The following FLNA variants were observed in gnomAD, a reference collection of about 807,000 sequenced individuals.
The protein encoded by FLNA is filamin A.
In FLNA, 7 loss-of-function variants were observed where a neutral mutation model predicts 157.6. The ratio of observed to expected loss-of-function variants is 0.04; its 90% CI spans 0.03 to 0.08. The LOEUF is 0.08. FLNA is among the 10% of genes least tolerant of loss of function. The pLI, the probability that FLNA is intolerant of heterozygous loss-of-function variation, is 1.00. For synonymous variants in FLNA, 1,103 were observed against 1,060.8 expected, an observed-to-expected ratio of 1.04 and a Z score of -0.77; for missense variants, 1,750 against 2,398.4, an observed-to-expected ratio of 0.73 and a Z score of 5.65.
Position 154,365,277 on chromosome X carries a change from G to GC in FLNA, c.1568-19dup, listed in dbSNP as rs1398890463. The GC allele has an allele frequency of 1.7e-6, 2 of 1,210,664 alleles. No individual in the cohort carries two copies. The highest frequency in any genetic ancestry group is 2.2e-6 in the Non-Finnish European group (2 of 895,357). Reference sequence around the variant, plus strand: ...CTCTCCCTCTGCCAAGACAAGGAGGGCCTCAGGCCTGCCCAGCAGTGAACC... The same window carrying GC: ...CTCTCCCTCTGCCAAGACAAGGAGGGCCCTCAGGCCTGCCCAGCAGTGAACC... On this transcript the variant is annotated intron_variant, in intron 10 of 47. Coordinates refer to ENST00000369850, the MANE Select transcript of FLNA (RefSeq NM_001110556.2).
intron 1 of FLNA, among the ~76,000 whole-genome samples, chrX:154,371,860 G>T (rs1206123106): frequency 1.8e-5 from 2 of 113,364 alleles, no homozygotes; most frequent in Non-Finnish European, 3.8e-5. Flanking sequence ...GCCCGGCAGC[G>T]GCGGGAAGGG....
rs781994403 is a variant in FLNA, at chrX:154,368,093, G to A, written c.374-3C>T. 15 of 1,208,776 alleles carry A rather than the reference G, an allele frequency of 1.2e-5. No homozygotes were observed. Among genetic ancestry groups the A allele is most frequent in the East Asian group, 3.0e-5 (1 of 33,764 alleles). ...CCCGTCCACGATGGCCTTGCTGTCT[G>A]TGAGTAGAAGAGTGGCCACGCTGGG... On this transcript the variant is annotated splice_region_variant and splice_polypyrimidine_tract_variant and intron_variant, in intron 2 of 47. Transcript: ENST00000369850.
In FLNA at chrX:154,349,822, C is replaced by T. The variant is rs1557175388; in HGVS notation, c.7379G>A (p.Gly2460Asp). The T allele has an allele frequency of 4.1e-6, 5 of 1,210,292 alleles. No individual in the cohort carries two copies. The highest frequency in any genetic ancestry group is 5.6e-6 in the Non-Finnish European group (5 of 895,212). The change falls in exon 46 of 48, where the codon GGT becomes GAT. Residue 2460 changes from glycine (G) to aspartate (D), a missense_variant. Physicochemically the swap from Gly to Asp is moderately conservative, Grantham distance 94 (BLOSUM62 -1). Coordinates refer to ENST00000369850, the MANE Select transcript of FLNA (RefSeq NM_001110556.2). ...FVVNTSNAGA[G>D]ALSVTIDGPS... ...GCCGTCAATGGTCACCGACAGGGCA[C>T]CAGCTCCCGCATTGCTCGTGTTCAC...
intron 1 of FLNA, among the ~76,000 whole-genome samples, chrX:154,373,278 G>T (rs1237543582): frequency 8.9e-6 from 1 of 112,359 alleles, no homozygotes; most frequent in Non-Finnish European, 1.9e-5. Flanking sequence ...TGGGTTGTCT[G>T]GGTTCATTCC....
chrX:154,363,019 G>A (rs1363868419), intron 15 of FLNA, among the ~76,000 whole-genome samples: 4 of 112,837 alleles, frequency 3.5e-5, no homozygotes, highest in Non-Finnish European at 5.6e-5. Context: ...TAACAGCACT[G>A]TTCATGATCA....
rs2148119132 is a variant in FLNA, at chrX:154,367,653, C to T, written c.708G>A (p.Leu236=). ...REAMQQADDW[L]GIPQVITPEE... is the part of the protein sequence containing the mutation. ...CGGGCGGGTGTACCTGGGGGATGCC[C>T]AGCCAGTCATCCGCCTGCTGCATGG... Residue 236 remains leucine, a synonymous_variant, in exon 4 of 48, where the codon CTG becomes CTA. Coordinates refer to ENST00000369850, the MANE Select transcript of FLNA (RefSeq NM_001110556.2). 8.3e-7 allele frequency: 1 copy of T among 1,211,084 alleles called. No individual in the cohort carries two copies. Among genetic ancestry groups the T allele is most frequent in the Non-Finnish European group, 1.1e-6 (1 of 895,069 alleles).
chrX:154,349,587 G>T, intron 46 of FLNA, 22 bp from the exon 47 acceptor site: 1 of 1,210,102 alleles, frequency 8.3e-7, no homozygotes, highest in Non-Finnish European at 1.1e-6. Context: ...AGTGGGTGGG[G>T]CTAAGAGGTG....
At position 154,354,412 on chromosome X, in the gene FLNA, G is replaced by A. The variant is rs1557176452; in HGVS notation, c.5385C>T (p.Ile1795=). 6.6e-6 allele frequency: 8 copies of A among 1,211,731 alleles called. No individual in the cohort carries two copies. The highest frequency in any genetic ancestry group is 7.8e-6 in the Non-Finnish European group (7 of 895,417). ...TCTCGCCCTTCTTGATGGTGAAGGG[G>A]ATGACAAGGTCAAAGGGCCTCAGGC... The part of the protein sequence containing the change: ...VTSLRPFDLV[I]PFTIKKGEIT... The change falls in exon 33 of 48, where the codon ATC becomes ATT. Residue 1795 remains isoleucine (I), a synonymous_variant. Coordinates refer to ENST00000369850, the MANE Select transcript of FLNA (RefSeq NM_001110556.2).
intron 28 of FLNA, 94 bp downstream of exon 28, chrX:154,358,105 G>T (rs782556477): frequency 1.0e-4 from 101 of 1,002,003 alleles, no homozygotes; most frequent in Non-Finnish European, 1.2e-4. Context: ...CCTCCTTGGT[G>T]CAGCTCCGCA....
Position 154,357,257 on chromosome X carries a change from C to T in FLNA, c.4963G>A (p.Gly1655Arg), listed in dbSNP as rs2067669899. Residue 1655 changes from glycine to arginine, a missense_variant, in exon 30 of 48, where the codon GGG becomes AGG. By Grantham distance (125) the Gly-to-Arg change is moderately radical (BLOSUM62 -2). Transcript: ENST00000369850. ...GCCCCAGCAAGCAGCTTACCTAGCC[C>T]GTGACCTCCGATTGACACTGAGGTG... ...CTVTVSIGGH[G>R]LGAGIGPTIQ... The T allele has an allele frequency of 2.5e-6, 3 of 1,209,203 alleles. No individual in the cohort carries two copies. Among genetic ancestry groups the T allele is most frequent in the African/African-American group, 1.7e-5 (1 of 57,282 alleles).
At position 154,359,649 on chromosome X, in the gene FLNA, G is replaced by A; in HGVS notation, c.3980-3C>T. Reference sequence around the variant, plus strand: ...GGTCACGTCCACGGAGTGCAGTCCTGGAGGAGTGCAGGCCAGGTCAGGAGG... The same window carrying A: ...GGTCACGTCCACGGAGTGCAGTCCTAGAGGAGTGCAGGCCAGGTCAGGAGG... On this transcript the variant is annotated splice_region_variant and splice_polypyrimidine_tract_variant and intron_variant, in intron 23 of 47. Transcript: ENST00000369850. 4 of 1,210,990 alleles carry A rather than the reference G, an allele frequency of 3.3e-6. No individual in the cohort carries two copies. The highest frequency in any genetic ancestry group is 4.5e-6 in the Non-Finnish European group (4 of 895,305).
chrX:154,349,875 C>A lies in FLNA; in HGVS notation c.7334-8G>T. On this transcript the variant is annotated splice_region_variant and splice_polypyrimidine_tract_variant and intron_variant, in intron 45 of 47. Coordinates refer to ENST00000369850, the MANE Select transcript of FLNA (RefSeq NM_001110556.2). ...CGAACTCAGCTGGGTTCCCTGGGAG[C>A]ACAGGAGGTCAGGCAGAGCCAGACT... 1 of 1,207,434 alleles carries A rather than the reference C, an allele frequency of 8.3e-7. No individual in the cohort carries two copies. The highest frequency in any genetic ancestry group is 1.1e-6 in the Non-Finnish European group (1 of 892,063).
At chrX:154,354,737 GGA>G (rs1569551515) in intron 31 of FLNA, 26 bp from the exon 32 acceptor site, 4 of 1,208,470 alleles carry the variant, frequency 3.3e-6, no homozygotes, top group African/African-American at 3.5e-5. Flanking sequence ...GAGAGCTGCT[GGA>G]GAGTCTGTTG....
chrX:154,354,500 G>A lies in FLNA; in HGVS notation c.5314-17C>T. 8.3e-7 allele frequency: 1 copy of A among 1,199,070 alleles called. No homozygotes were observed. Among genetic ancestry groups the A allele is most frequent in the Non-Finnish European group, 1.1e-6 (1 of 884,609 alleles). ...CTCCGGGGCCTGCAGTGGAGACACA[G>A]GGCATGGGTGAGGGACAGTGGGAGG... On this transcript the variant is annotated splice_polypyrimidine_tract_variant and intron_variant, in intron 32 of 47. Transcript: ENST00000369850.
chrX:154,366,945 G>A (rs782477886), intron 5 of FLNA, 95 bp from the exon 6 acceptor site: 3 of 705,606 alleles, frequency 4.3e-6, no homozygotes, highest in Non-Finnish European at 6.8e-6. Flanking sequence ...CCTAAGTCAG[G>A]CACATTCCAA....
Position 154,355,086 on chromosome X carries a change from G to A in FLNA, c.4970-14C>T. 2.5e-6 allele frequency: 3 copies of A among 1,199,725 alleles called. No individual in the cohort carries two copies. Among genetic ancestry groups the A allele is most frequent in the Non-Finnish European group, 3.4e-6 (3 of 887,147 alleles). On this transcript the variant is annotated splice_polypyrimidine_tract_variant and intron_variant, in intron 30 of 47. Transcript: ENST00000369850. Reference sequence around the variant, plus strand: ...CGATGCCAGCACCTGGTGGGGCAGGGTGGGTCCCCAAAGGGGGGCCAGCGT... The same window carrying A: ...CGATGCCAGCACCTGGTGGGGCAGGATGGGTCCCCAAAGGGGGGCCAGCGT...
At chrX:154,356,133 C>T (rs1425373391) in intron 30 of FLNA, among the ~76,000 whole-genome samples, 1 of 112,167 alleles carries the variant, frequency 8.9e-6, no homozygotes, top group Non-Finnish European at 1.9e-5. Flanking sequence ...TAGTTAGTGG[C>T]TTGGGCCCCA....
Position 154,362,467 on chromosome X carries a change from G to A in FLNA, c.2516C>T (p.Thr839Met), listed in dbSNP as rs201603843. The change falls in exon 17 of 48, where the codon ACG (threonine) becomes ATG (methionine). Residue 839 changes from threonine (T) to methionine (M), a missense_variant. Transcript: ENST00000369850. Reference protein sequence around the residue: ...NDNDTFTVKYTPRGAGSYTIM... With the variant: ...NDNDTFTVKYMPRGAGSYTIM... ...GGTGTAGCTGCCAGCCCCCCGGGGC[G>A]TGTACTTGACCGTGAAGGTGTCATT... 1.7e-4 allele frequency: 208 copies of A among 1,210,576 alleles called. 1 individual carries two copies. Among genetic ancestry groups the A allele is most frequent in the Admixed American group, 8.7e-5 (4 of 46,016 alleles).
Position 154,358,450 on chromosome X carries a change from G to C in FLNA, c.4593C>G (p.Pro1531=), listed in dbSNP as rs1370712483. Residue 1531 remains proline (P), a synonymous_variant, in exon 27 of 48, where the codon CCC becomes CCG. Coordinates refer to ENST00000369850, the MANE Select transcript of FLNA (RefSeq NM_001110556.2). ...CAGCAGGCCCTGCCTCTTACCTCCG[G>C]GGTACCTCTTCATCTCCATACAGTA... is the stretch of plus-strand genomic sequence containing the variant. ...ISVLYGDEEV[P]RSPFKVKVLP... The C allele has an allele frequency of 3.3e-6, 4 of 1,209,488 alleles. No homozygotes were observed. Among genetic ancestry groups the C allele is most frequent in the Non-Finnish European group, 4.5e-6 (4 of 894,978 alleles).
Sources: allele counts gnomAD v4.1 joint callset (sites outside exome capture counted in the v4.1 genomes callset), GRCh38; gene constraint gnomAD v4.1.1; transcripts MANE v1.5; gene names NCBI Gene and HGNC (gene_info 2026-07-23, HGNC 2026-07-21).